Variants in SDK1 observed in about 807,000 individuals in gnomAD.
The protein encoded by SDK1 is protein sidekick-1.
Under a neutral mutation model 245.5 loss-of-function variants are expected in SDK1, and 157 were observed. The observed-to-expected ratio is 0.64, with a 90% confidence interval of 0.56 to 0.73. The LOEUF is 0.73. Among genes scored for constraint, SDK1 ranks in the 30% least tolerant of loss-of-function variants. The pLI is 0.00. For synonymous variants in SDK1, 1,647 were observed against 1,278.5 expected (o/e 1.29, Z -6.15); for missense variants, 3,583 against 3,002.3 (o/e 1.19, Z -4.52).
At chr7:3,984,076 G>A (rs757422176) in intron 13 of SDK1, among the ~76,000 whole-genome samples, 1 of 152,146 alleles carries the variant, frequency 6.6e-6, no homozygotes, top group African/African-American at 2.4e-5. Context: ...TGTTGCGACC[G>A]TTTTTGCTGT....
chr7:4,078,165 C>T (rs1441606967), intron 21 of SDK1, among the ~76,000 whole-genome samples: 1 of 152,154 alleles, frequency 6.6e-6, no homozygotes, highest in African/African-American at 2.4e-5. Context: ...TGCAGGGAGG[C>T]ACTGGAGTTG....
intron 1 of SDK1, among the ~76,000 whole-genome samples, chr7:3,616,479 TG>T: frequency 6.6e-6 from 1 of 152,344 alleles, no homozygotes; most frequent in South Asian, 2.1e-4. Context: ...GTACTCGCCA[TG>T]TTTGCTCCCA....
intron 2 of SDK1, among the ~76,000 whole-genome samples, chr7:3,635,854 C>T (rs1478746717): frequency 6.6e-6 from 1 of 152,116 alleles, no homozygotes; most frequent in African/African-American, 2.4e-5. Flanking sequence ...TACAGGCTCA[C>T]ACCACCACAC....
At chr7:3,961,400 A>T (rs565038937) in intron 8 of SDK1, among the ~76,000 whole-genome samples, 27 of 152,350 alleles carry the variant, frequency 1.8e-4, no homozygotes, top group African/African-American at 6.3e-4. Context: ...TTTATTTATT[A>T]AAGTCGACAT....
chr7:3,951,192 G>A (rs1780804526), intron 6 of SDK1, among the ~76,000 whole-genome samples, 158 bp downstream of exon 6: 1 of 152,140 alleles, frequency 6.6e-6, no homozygotes, highest in Non-Finnish European at 1.5e-5. Context: ...GGTAGATAAG[G>A]AAATGGACAC....
rs550951824 is a variant in SDK1, at chr7:3,824,734, C to G, written c.847+3151C>G. Among the ~76,000 whole-genome samples the G allele has an allele frequency of 6.6e-5, 10 of 152,238 alleles. No homozygotes were observed. The South Asian group carries it at 1.9e-3, about 28-fold the overall frequency. On this transcript the variant is annotated intron_variant, in intron 5 of 44. Transcript: ENST00000404826. ...CAATTGCTAGATACTGTGGCTACAC[C>G]TGAAGCTTATGGGAAGCAAAAGATA... is the stretch of plus-strand genomic sequence containing the variant.
chr7:4,265,310 A>T lies in SDK1; in HGVS notation c.6568A>T (p.Ser2190Cys). ...GCTGCACCCGGTCATCACCACGCAG[A>T]GCGCGGGCGGCGTCTACACCCCCGC... ...AQLHPVITTQ[S>C]AGGVYTPAGP... is the part of the protein sequence containing the mutation. The change falls in exon 45 of 45, where the codon AGC becomes TGC. Residue 2190 changes from serine (S) to cysteine (C), a missense_variant. Physicochemically the swap from Ser to Cys is moderately radical, Grantham distance 112. Coordinates refer to ENST00000404826, the MANE Select transcript of SDK1 (RefSeq NM_152744.4). 6.4e-7 allele frequency: 1 copy of T among 1,557,486 alleles called. No homozygotes were observed. Among genetic ancestry groups the T allele is most frequent in the Non-Finnish European group, 8.6e-7 (1 of 1,160,694 alleles).
chr7:3,599,374 C>G lies in SDK1; in HGVS notation c.299-19706C>G, dbSNP rs530456888. On this transcript the variant is annotated intron_variant, in intron 1 of 44. Transcript: ENST00000404826. ...TCTTTGTATATTCTAGATGCTAGTTCTTTTTCAGATAATGTGGTTTGCCTG... is the reference window on the plus strand; with the variant it reads ...TCTTTGTATATTCTAGATGCTAGTTGTTTTTCAGATAATGTGGTTTGCCTG... Among the ~76,000 whole-genome samples the G allele has an allele frequency of 1.4e-4, 22 of 152,102 alleles. No homozygotes were observed. In the South Asian group the frequency reaches 2.9e-3, roughly 20 times the overall value.
Position 3,394,903 on chromosome 7 carries a change from G to A in SDK1, c.298+93019G>A, listed in dbSNP as rs776107278. Among the ~76,000 whole-genome samples the A allele has an allele frequency of 3.3e-5, 5 of 151,804 alleles. No homozygotes were observed. In the South Asian group the frequency reaches 6.2e-4, roughly 19 times the overall value. On this transcript the variant is annotated intron_variant, in intron 1 of 44. Transcript: ENST00000404826. ...AAAAATTAGTTCTAATAGTTTTTTT[G>A]TGGACTCTTTGGGGTTTTCTATATA...
chr7:3,473,390 A>C (rs1352368319), intron 1 of SDK1, among the ~76,000 whole-genome samples: 4 of 152,226 alleles, frequency 2.6e-5, no homozygotes, highest in African/African-American at 9.6e-5. Flanking sequence ...GTACCTTTTA[A>C]AATACTTTAT....
intron 1 of SDK1, among the ~76,000 whole-genome samples, chr7:3,597,513 C>G (rs754806368): frequency 4.6e-5 from 7 of 152,144 alleles, no homozygotes; most frequent in African/African-American, 1.7e-4. Flanking sequence ...TTGGTTACTT[C>G]AGGTTGCTTT....
chr7:4,103,472 A>G (rs1042055442), intron 22 of SDK1, among the ~76,000 whole-genome samples: 16 of 152,206 alleles, frequency 1.1e-4, no homozygotes, highest in African/African-American at 3.9e-4. Context: ...CTCACGAAAA[A>G]AGAGTCCTGG....
chr7:4,236,854 G>A (rs1370982617), intron 41 of SDK1, among the ~76,000 whole-genome samples: 6 of 152,230 alleles, frequency 3.9e-5, no homozygotes, highest in African/African-American at 7.2e-5. Context: ...AGAGAAGGAC[G>A]TCTAGGCGCT....
chr7:4,002,446 A>T (rs1785140623), intron 14 of SDK1, among the ~76,000 whole-genome samples: 1 of 152,190 alleles, frequency 6.6e-6, no homozygotes, highest in African/African-American at 2.4e-5. Context: ...AATCTCAGTA[A>T]CTCACTGAGC....
At chr7:4,172,096 C>G (rs1369833972) in intron 32 of SDK1, among the ~76,000 whole-genome samples, 1 of 152,174 alleles carries the variant, frequency 6.6e-6, no homozygotes, top group Non-Finnish European at 1.5e-5. Context: ...AGCAAGGCCA[C>G]TCAGTTGTTC....
chr7:4,248,581 C>A (rs986374352), intron 44 of SDK1, among the ~76,000 whole-genome samples: 1 of 152,032 alleles, frequency 6.6e-6, no homozygotes, highest in Non-Finnish European at 1.5e-5. Flanking sequence ...AATACATGCA[C>A]ACACATGCAT....
intron 4 of SDK1, among the ~76,000 whole-genome samples, chr7:3,648,461 A>G (rs760771917): frequency 2.0e-5 from 3 of 152,240 alleles, no homozygotes; most frequent in South Asian, 2.1e-4. Flanking sequence ...GCAATAGACA[A>G]CTTGCCAGTA....
intron 1 of SDK1, among the ~76,000 whole-genome samples, chr7:3,416,058 A>T (rs959751111): frequency 6.6e-6 from 1 of 152,302 alleles, no homozygotes; most frequent in African/African-American, 2.4e-5. Context: ...AGCAGGATAA[A>T]AGAGGTCTTT....
chr7:4,059,360 G>T (rs1779393042), intron 19 of SDK1, among the ~76,000 whole-genome samples: 1 of 152,178 alleles, frequency 6.6e-6, no homozygotes, highest in Admixed American at 6.5e-5. Flanking sequence ...AGGTTATTGT[G>T]TAATGATAAA....
Sources: allele counts gnomAD v4.1 joint callset (sites outside exome capture counted in the v4.1 genomes callset), GRCh38; gene constraint gnomAD v4.1.1; transcripts MANE v1.5; gene names NCBI Gene and HGNC (gene_info 2026-07-23, HGNC 2026-07-21).